The following FHOD3 variants were observed in gnomAD, a reference collection of about 807,000 sequenced individuals.
The protein encoded by FHOD3 is formin homology 2 domain containing 3.
In FHOD3, 90 loss-of-function variants were observed where a neutral mutation model predicts 173.0. That is an observed-to-expected ratio of 0.52 (90% CI 0.44 to 0.62). FHOD3 has a LOEUF of 0.62. FHOD3 is among the 20% of genes least tolerant of loss of function. The pLI is 0.00. For synonymous variants in FHOD3, 828 were observed against 823.0 expected (o/e 1.01, Z -0.10); for missense variants, 1,945 against 2,034.7 (o/e 0.96, Z 0.85).
At chr18:36,439,520 A>T (rs902553754) in intron 3 of FHOD3, among the ~76,000 whole-genome samples, 1 of 73,402 alleles carries the variant, frequency 1.4e-5, no homozygotes, top group Non-Finnish European at 3.0e-5. Flanking sequence ...AAACCAATAG[A>T]ATGTGTGTGT....
chr18:36,576,693 TA>T, intron 6 of FHOD3, 148 bp downstream of exon 6: 1 of 534,690 alleles, frequency 1.9e-6, no homozygotes, highest in Non-Finnish European at 3.3e-6. Flanking sequence ...CTACAAATTT[TA>T]AGATACACTT....
intron 14 of FHOD3, among the ~76,000 whole-genome samples, chr18:36,665,936 G>A (rs967744665): frequency 6.6e-6 from 1 of 152,222 alleles, no homozygotes; most frequent in Non-Finnish European, 1.5e-5. Flanking sequence ...CTTTGGGCCG[G>A]AGGACTCACT....
At chr18:36,356,009 A>G (rs2046341890) in intron 2 of FHOD3, among the ~76,000 whole-genome samples, 1 of 152,220 alleles carries the variant, frequency 6.6e-6, no homozygotes, top group Non-Finnish European at 1.5e-5. Flanking sequence ...AGGTGGGAGG[A>G]TCGCTTGAGT....
intron 14 of FHOD3, among the ~76,000 whole-genome samples, chr18:36,677,865 A>G (rs1038456646): frequency 1.3e-5 from 2 of 152,258 alleles, no homozygotes; most frequent in Non-Finnish European, 1.5e-5. Context: ...TTTTCAATAC[A>G]TAAATGTGAT....
intron 5 of FHOD3, among the ~76,000 whole-genome samples, chr18:36,519,622 G>A (rs1274990857): frequency 6.6e-6 from 1 of 152,220 alleles, no homozygotes; most frequent in African/African-American, 2.4e-5. Flanking sequence ...AAGTGGGCAA[G>A]GAGCTCCTGC....
chr18:36,596,462 C>T (rs546200999), intron 7 of FHOD3, among the ~76,000 whole-genome samples: 1 of 150,972 alleles, frequency 6.6e-6, no homozygotes, highest in African/African-American at 2.4e-5. Flanking sequence ...GGATTACAGG[C>T]GTGAGCCAGC....
At chr18:36,662,115 A>C (rs2036851320) in intron 14 of FHOD3, among the ~76,000 whole-genome samples, 1 of 152,136 alleles carries the variant, frequency 6.6e-6, no homozygotes, top group African/African-American at 2.4e-5. Flanking sequence ...AAACAACCAC[A>C]CCTCAAGCGC....
At chr18:36,613,243 C>T (rs2032872772) in intron 9 of FHOD3, among the ~76,000 whole-genome samples, 1 of 152,240 alleles carries the variant, frequency 6.6e-6, no homozygotes, top group Non-Finnish European at 1.5e-5. Context: ...GGCAGACATG[C>T]ATGTTGTACC....
At chr18:36,591,849 G>A (rs1192343404) in intron 6 of FHOD3, among the ~76,000 whole-genome samples, 2 of 152,210 alleles carry the variant, frequency 1.3e-5, no homozygotes, top group Admixed American at 6.5e-5. Context: ...CTTCAGCCCA[G>A]GAGTTTGAGG....
intron 13 of FHOD3, 89 bp from the exon 14 acceptor site, chr18:36,657,986 A>C: frequency 1.0e-6 from 1 of 989,472 alleles, no homozygotes; most frequent in Non-Finnish European, 1.6e-6. Flanking sequence ...TCTCTTGCAA[A>C]AATTAAAATG....
chr18:36,499,098 GTTTTGTTTTGTTTTGTTTTGTT>G (rs1301355563), intron 3 of FHOD3, among the ~76,000 whole-genome samples: 5 of 43,156 alleles, frequency 1.2e-4, no homozygotes, highest in Admixed American at 7.1e-4. Context: ...GTTTTGTTTT[GTTTTGTTTTGTTTTGTTTTGTT>G]TGAGACAGGT....
At chr18:36,343,181 G>A (rs1295956317) in intron 1 of FHOD3, among the ~76,000 whole-genome samples, 1 of 152,190 alleles carries the variant, frequency 6.6e-6, no homozygotes. Flanking sequence ...GAAAGCATAT[G>A]TCTACATAAA....
At chr18:36,305,994 C>T (rs2092085648) in intron 1 of FHOD3, among the ~76,000 whole-genome samples, 1 of 152,204 alleles carries the variant, frequency 6.6e-6, no homozygotes, top group Admixed American at 6.5e-5. Context: ...TACTGTCCCC[C>T]TCCTCTGTCT....
intron 17 of FHOD3, among the ~76,000 whole-genome samples, chr18:36,701,647 C>T (rs1022525083): frequency 2.0e-5 from 3 of 152,094 alleles, no homozygotes; most frequent in African/African-American, 4.8e-5. Context: ...TCCAACGTGC[C>T]CCTTGTCGTA....
chr18:36,498,199 G>A (rs1400044748), intron 3 of FHOD3, among the ~76,000 whole-genome samples: 3 of 152,108 alleles, frequency 2.0e-5, no homozygotes, highest in African/African-American at 7.2e-5. Context: ...TTTACAGGAA[G>A]CAGTTGAAGC....
chr18:36,779,213 C>A, intron 28 of FHOD3: 1 of 561,402 alleles, frequency 1.8e-6, no homozygotes, highest in South Asian at 2.4e-5. Context: ...CTCGGCCCTC[C>A]AAATCAGCAC....
intron 2 of FHOD3, among the ~76,000 whole-genome samples, chr18:36,362,692 C>T (rs898546836): frequency 3.3e-5 from 5 of 152,152 alleles, no homozygotes; most frequent in Admixed American, 6.5e-5. Context: ...TTAGCAGTCA[C>T]CCAGGTGGCA....
chr18:36,681,129 G>A (rs186906258), intron 14 of FHOD3, among the ~76,000 whole-genome samples: 204 of 152,196 alleles, frequency 1.3e-3, no homozygotes, highest in African/African-American at 4.6e-3. Flanking sequence ...TATATAGAAT[G>A]TATATACATT....
At chr18:36,542,154 C>G (rs975429152) in intron 5 of FHOD3, among the ~76,000 whole-genome samples, 1 of 152,176 alleles carries the variant, frequency 6.6e-6, no homozygotes, top group Non-Finnish European at 1.5e-5. Flanking sequence ...TTCCTTACAG[C>G]TCTTTGGAGA....
Sources: gnomAD v4.1 joint callset for allele counts (sites outside exome capture counted in the v4.1 genomes callset) on GRCh38, gnomAD v4.1.1 for gene constraint, MANE v1.5 for transcripts, NCBI Gene and HGNC (gene_info 2026-07-23, HGNC 2026-07-21) for gene names.